The following LRRC74B variants were observed in gnomAD, a reference collection of about 807,000 sequenced individuals.
LRRC74B encodes leucine-rich repeat-containing protein 74B.
LRRC74B carries 30 observed loss-of-function variants against 16.6 expected under a neutral mutation model. The ratio of observed to expected loss-of-function variants is 1.80; its 90% CI spans 1.35 to 2.45. The LOEUF (loss-of-function observed/expected upper bound fraction) is 2.45. Among genes scored for constraint, LRRC74B ranks in the 30% most tolerant of loss-of-function variants. LRRC74B has a pLI of 0.00. For missense variants in LRRC74B, 326 were observed against 202.4 expected (o/e 1.61, Z -3.71); for synonymous variants, 134 against 86.0 (o/e 1.56, Z -3.09).
chr22:21,059,689 G>C (rs986439939), intron 8 of LRRC74B, among the ~76,000 whole-genome samples: 1 of 152,208 alleles, frequency 6.6e-6, no homozygotes, highest in Non-Finnish European at 1.5e-5. Context: ...TTTATTCTGA[G>C]CTTTGAGGGA....
chr22:21,063,934 C>T (rs2148171649), downstream of LRRC74B: 1 of 154,494 alleles, frequency 6.5e-6, no homozygotes, highest in East Asian at 1.9e-4. Flanking sequence ...GAGATCATGC[C>T]ACTGCACTCC....
chr22:21,060,963 C>A (rs975937234), downstream of LRRC74B, among the ~76,000 whole-genome samples: 17 of 152,080 alleles, frequency 1.1e-4, no homozygotes, highest in Non-Finnish European at 2.4e-4. Flanking sequence ...CTGCCTGTGC[C>A]CTTTGATACA....
chr22:21,046,679 C>T (rs1358424850), intron 1 of LRRC74B, among the ~76,000 whole-genome samples: 4 of 151,938 alleles, frequency 2.6e-5, no homozygotes, highest in East Asian at 1.9e-4. Flanking sequence ...GTCACCCGGG[C>T]GTCAGTGCAG....
downstream of LRRC74B, chr22:21,061,817 A>T (rs1290718110): frequency 6.6e-6 from 1 of 152,248 alleles, no homozygotes; most frequent in Non-Finnish European, 1.5e-5. Flanking sequence ...TAAGAGTGAA[A>T]ATGCCCACCA....
At chr22:21,053,268 G>A in intron 5 of LRRC74B, 92 bp from the exon 6 acceptor site, 1 of 652,192 alleles carries the variant, frequency 1.5e-6, no homozygotes, top group Non-Finnish European at 2.8e-6. Flanking sequence ...TCTTATCTTT[G>A]CACCTCAGGG....
At chr22:21,053,294 G>T (rs1930215003) in intron 5 of LRRC74B, 66 bp from the exon 6 acceptor site, 2 of 691,678 alleles carry the variant, frequency 2.9e-6, no homozygotes, top group Non-Finnish European at 5.4e-6. Context: ...GGTCTCTGAG[G>T]CTGTGGCACC....
At chr22:21,052,548 G>A (rs192049941) in intron 5 of LRRC74B, among the ~76,000 whole-genome samples, 190 bp downstream of exon 5, 21 of 152,324 alleles carry the variant, frequency 1.4e-4, no homozygotes, top group Non-Finnish European at 2.1e-4. Context: ...TGTGCTCACC[G>A]TCACATACTT....
At chr22:21,058,044 C>T (rs1930638978) in intron 8 of LRRC74B, among the ~76,000 whole-genome samples, 1 of 148,066 alleles carries the variant, frequency 6.8e-6, no homozygotes, top group African/African-American at 2.5e-5. Context: ...TGCCACCACG[C>T]CCGGCTGATT....
intron 8 of LRRC74B, among the ~76,000 whole-genome samples, chr22:21,058,145 C>A (rs544757695): frequency 6.6e-5 from 10 of 151,604 alleles, no homozygotes; most frequent in African/African-American, 1.7e-4. Flanking sequence ...AGGTGATCCA[C>A]CCACCTCGGC....
intron 8 of LRRC74B, among the ~76,000 whole-genome samples, 153 bp downstream of exon 8, chr22:21,057,353 A>G (rs1380662885): frequency 6.6e-6 from 1 of 152,210 alleles, no homozygotes; most frequent in Non-Finnish European, 1.5e-5. Flanking sequence ...ACTTGAATGC[A>G]GGCATGGGGC....
At chr22:21,048,007 A>G (rs1287247859) in exon 3 of LRRC74B, 1 of 717,124 alleles carries the variant, frequency 1.4e-6, no homozygotes, top group African/African-American at 1.7e-5. Context: ...CAAAAGCAGC[A>G]GCATCCATGG....
At chr22:21,062,835 C>T (rs1337824553), downstream of LRRC74B, 1 of 151,862 alleles carries the variant, frequency 6.6e-6, no homozygotes, top group Non-Finnish European at 1.5e-5. Flanking sequence ...CCAGACCAGC[C>T]TGGGCAGCAT....
intron 1 of LRRC74B, 25 bp from the exon 2 acceptor site, chr22:21,047,331 C>T (rs1193510687): frequency 1.4e-6 from 1 of 715,168 alleles, no homozygotes; most frequent in Admixed American, 2.0e-5. Flanking sequence ...GCAGGGTCCA[C>T]ATTCGTCCCC....
intron 6 of LRRC74B, among the ~76,000 whole-genome samples, chr22:21,054,296 A>G (rs1930307164): frequency 6.6e-6 from 1 of 152,144 alleles, no homozygotes; most frequent in African/African-American, 2.4e-5. Context: ...GAGTAAAACG[A>G]GCCTAGTCTG....
At chr22:21,059,125 T>G (rs1460995907) in intron 8 of LRRC74B, among the ~76,000 whole-genome samples, 2 of 152,148 alleles carry the variant, frequency 1.3e-5, no homozygotes, top group Non-Finnish European at 2.9e-5. Context: ...TGGTAGCTCA[T>G]GCCTGTAATC....
At chr22:21,059,537 GGTGACAGAGCGA>G (rs1188771009) in intron 8 of LRRC74B, among the ~76,000 whole-genome samples, 1 of 152,040 alleles carries the variant, frequency 6.6e-6, no homozygotes, top group Non-Finnish European at 1.5e-5. Flanking sequence ...TTCCAGCCTG[GGTGACAGAGCGA>G]GACTCTACCT....
intron 7 of LRRC74B, among the ~76,000 whole-genome samples, chr22:21,055,834 G>A (rs556631640): frequency 3.3e-5 from 5 of 152,156 alleles, no homozygotes; most frequent in Admixed American, 6.5e-5. Flanking sequence ...ATAGACCTGC[G>A]TTTCGAGTCA....
At chr22:21,057,727 C>A (rs1930617827) in intron 8 of LRRC74B, among the ~76,000 whole-genome samples, 1 of 139,780 alleles carries the variant, frequency 7.2e-6, no homozygotes, top group African/African-American at 2.7e-5. Context: ...AAGTGGTTCT[C>A]CTGTCTAAGC....
chr22:21,048,612 C>T, intron 3 of LRRC74B: 1 of 345,908 alleles, frequency 2.9e-6, no homozygotes, highest in Non-Finnish European at 5.5e-6. Context: ...TATTGCCAAT[C>T]CTGGCAACGG....
Sources: gnomAD v4.1 joint callset for allele counts (sites outside exome capture counted in the v4.1 genomes callset) on GRCh38, gnomAD v4.1.1 for gene constraint, MANE v1.5 for transcripts, NCBI Gene and HGNC (gene_info 2026-07-23, HGNC 2026-07-21) for gene names.